Variants in EFR3B observed in about 807,000 individuals in gnomAD.
EFR3B encodes protein EFR3 homolog B.
A neutral mutation model predicts 104.7 loss-of-function variants in EFR3B; 64 were observed. The ratio of observed to expected loss-of-function variants is 0.61; its 90% confidence interval spans 0.50 to 0.75. The LOEUF (loss-of-function observed/expected upper bound fraction) is 0.75, where lower values mean the gene tolerates loss of function less well. EFR3B is among the 30% of genes least tolerant of loss of function. The probability of loss-of-function intolerance (pLI) is 0.00; values close to 1 mark genes in which losing one functional copy is unlikely to be tolerated. For synonymous variants in EFR3B, 385 were observed against 417.9 expected (o/e 0.92, Z 0.96); for missense variants, 750 against 1,078.5 (o/e 0.70, Z 4.27).
At chr2:25,110,679 T>A (rs1669700551) in intron 4 of EFR3B, among the ~76,000 whole-genome samples, 1 of 152,100 alleles carries the variant, frequency 6.6e-6, no homozygotes, top group African/African-American at 2.4e-5. Context: ...TAAATTAAAT[T>A]AATAAACAAG....
intron 19 of EFR3B, among the ~76,000 whole-genome samples, chr2:25,148,404 G>A (rs1314546216): frequency 3.3e-5 from 5 of 151,668 alleles, no homozygotes; most frequent in South Asian, 2.1e-4. Flanking sequence ...ACCGGCACGC[G>A]CCACCATGCC....
intron 17 of EFR3B, 113 bp from the exon 18 acceptor site, chr2:25,143,622 C>G (rs1216975806): frequency 7.5e-7 from 1 of 1,339,450 alleles, no homozygotes; most frequent in African/African-American, 1.5e-5. Context: ...ATCGCACCAC[C>G]ACACTCCAGC....
chr2:25,137,299 C>T lies in EFR3B; in HGVS notation c.1561-42C>T. 1 of 1,549,438 alleles carries T rather than the reference C, an allele frequency of 6.5e-7. No individual in the cohort carries two copies. The highest frequency in any genetic ancestry group is 8.7e-7 in the Non-Finnish European group (1 of 1,145,482). On this transcript the variant is annotated intron_variant, in intron 14 of 22. Transcript: ENST00000403714. The surrounding 1 kb of genome is among the most constrained non-coding windows in gnomAD (Gnocchi z 4.7). ...CGTGTTCTCCTTGCCCCTCCTGTCCCCATCCCTCCGACCCTGGCCTTCTGC... is the reference window on the plus strand; with the variant it reads ...CGTGTTCTCCTTGCCCCTCCTGTCCTCATCCCTCCGACCCTGGCCTTCTGC...
Position 25,154,457 on chromosome 2 carries a change from C to T in EFR3B, c.*117C>T, listed in dbSNP as rs543596457. The T allele has an allele frequency of 1.4e-5, 13 of 956,062 alleles. No homozygotes were observed. The highest frequency in any genetic ancestry group is 1.3e-4 in the South Asian group (8 of 61,450). The allele number at this position is 956,062 out of a possible 1,614,324, so 59.2% of individuals were successfully genotyped here. On this transcript the variant is annotated 3_prime_UTR_variant, in exon 23 of 23. Coordinates refer to ENST00000403714, the MANE Select transcript of EFR3B (RefSeq NM_014971.2). The surrounding 1 kb of genome is among the most constrained non-coding windows in gnomAD (Gnocchi z 4.1). ...TCTGAGAAAACATCACCTTAGATGGCAGCGCCTCCCAGGCTAAGCCAAGGT... is the reference window on the plus strand; with the variant it reads ...TCTGAGAAAACATCACCTTAGATGGTAGCGCCTCCCAGGCTAAGCCAAGGT...
At chr2:25,078,607 G>A (rs1573185786) in intron 1 of EFR3B, among the ~76,000 whole-genome samples, 1 of 152,114 alleles carries the variant, frequency 6.6e-6, no homozygotes, top group Non-Finnish European at 1.5e-5. Flanking sequence ...GCTGGGCTCA[G>A]GATACTGTAT....
chr2:25,081,303 G>T (rs557559252), intron 1 of EFR3B: 9 of 926,790 alleles, frequency 9.7e-6, no homozygotes, highest in Non-Finnish European at 1.6e-5. Flanking sequence ...TGAAACCTGC[G>T]CCTTCATCTC....
chr2:25,074,141 G>T (rs1209433779), intron 1 of EFR3B, among the ~76,000 whole-genome samples: 4 of 152,222 alleles, frequency 2.6e-5, no homozygotes, highest in African/African-American at 9.6e-5. Context: ...GACCAACCTG[G>T]TGTGGGGCTG....
At chr2:25,090,172 A>G (rs1239376284) in intron 1 of EFR3B, among the ~76,000 whole-genome samples, 1 of 152,228 alleles carries the variant, frequency 6.6e-6, no homozygotes, top group Non-Finnish European at 1.5e-5. Flanking sequence ...GTACAGATAG[A>G]ATTCATCTTT....
At chr2:25,079,950 T>A in intron 1 of EFR3B, 1 of 1,299,080 alleles carries the variant, frequency 7.7e-7, no homozygotes, top group Non-Finnish European at 1.1e-6. Flanking sequence ...CTTGGCTAAG[T>A]CCGCTGTTTC....
chr2:25,100,946 A>G (rs1344551281), intron 3 of EFR3B, among the ~76,000 whole-genome samples: 1 of 152,202 alleles, frequency 6.6e-6, no homozygotes, highest in East Asian at 1.9e-4. Context: ...GATAGGAAAC[A>G]TTTCTAGCTC....
At chr2:25,140,339 A>C (rs968769341) in intron 16 of EFR3B, among the ~76,000 whole-genome samples, 20 of 152,156 alleles carry the variant, frequency 1.3e-4, no homozygotes, top group Admixed American at 1.3e-3. Flanking sequence ...CATTAGCAAA[A>C]CAAAATAAAA....
chr2:25,143,031 A>T (rs923013233), intron 17 of EFR3B, among the ~76,000 whole-genome samples: 1 of 148,284 alleles, frequency 6.7e-6, no homozygotes, highest in Non-Finnish European at 1.5e-5. Flanking sequence ...GCGGGTCACG[A>T]GGTCAGAAGA....
chr2:25,049,129 TATAAA>T (rs1253308341), intron 1 of EFR3B, among the ~76,000 whole-genome samples: 1 of 152,246 alleles, frequency 6.6e-6, no homozygotes, highest in Non-Finnish European at 1.5e-5. Context: ...TACTAGCAGT[TATAAA>T]ATCACCTATC....
chr2:25,093,175 T>C (rs984285860), intron 3 of EFR3B, 45 bp downstream of exon 3: 2 of 1,545,228 alleles, frequency 1.3e-6, no homozygotes, highest in South Asian at 1.2e-5. Flanking sequence ...AGGAACTATA[T>C]TGTTAGGCTA....
In EFR3B at chr2:25,154,675, A is replaced by G; in HGVS notation, c.*335A>G. The G allele has an allele frequency of 3.9e-6, 1 of 256,554 alleles. No individual in the cohort carries two copies. Among genetic ancestry groups the G allele is most frequent in the Non-Finnish European group, 7.4e-6 (1 of 135,990 alleles). 15.9% of individuals were successfully genotyped at this position (256,554 alleles called of 1,614,324 possible). Reference sequence around the variant, plus strand: ...AGCTCCTACTTGGTGTTTTGAGTGAAGGGCATGTCCTCCCCAGAGGACGGA... The same window carrying G: ...AGCTCCTACTTGGTGTTTTGAGTGAGGGGCATGTCCTCCCCAGAGGACGGA... On this transcript the variant is annotated 3_prime_UTR_variant, in exon 23 of 23. Transcript: ENST00000403714. The surrounding 1 kb of genome is among the most constrained non-coding windows in gnomAD (Gnocchi z 4.1).
At position 25,131,272 on chromosome 2, in the gene EFR3B, T is replaced by G. The variant is rs1402316226; in HGVS notation, c.850-96T>G. 4.8e-6 allele frequency: 7 copies of G among 1,465,040 alleles called. No homozygotes were observed. The highest frequency in any genetic ancestry group is 6.4e-6 in the Non-Finnish European group (7 of 1,096,056). 90.8% of individuals were successfully genotyped at this position (1,465,040 alleles called of 1,614,324 possible). A position where few individuals can be genotyped will look rare whatever the true frequency, so the allele number is the denominator to read the frequency against. On this transcript the variant is annotated intron_variant, in intron 8 of 22. Coordinates refer to ENST00000403714, the MANE Select transcript of EFR3B (RefSeq NM_014971.2). This position sits in a 1 kb window ranked among gnomAD's most constrained non-coding sequence, Gnocchi z 7.6. ...GTGCCCGGGGCCTTGGAACGTCCCT[T>G]TAGTTTACCCCCGCCTTTGGGTGCC...
At chr2:25,053,958 C>A (rs1667952321) in intron 1 of EFR3B, among the ~76,000 whole-genome samples, 1 of 152,194 alleles carries the variant, frequency 6.6e-6, no homozygotes, top group Non-Finnish European at 1.5e-5. Context: ...TTCCCTACAT[C>A]TTCAGGTCTA....
intron 17 of EFR3B, 21 bp from the exon 18 acceptor site, chr2:25,143,714 T>A: frequency 1.9e-6 from 3 of 1,551,172 alleles, no homozygotes; most frequent in Non-Finnish European, 1.7e-6. Context: ...TAACGAACTT[T>A]CTCCCTCCTT....
chr2:25,124,139 C>A (rs1031969082), intron 5 of EFR3B, among the ~76,000 whole-genome samples: 1 of 152,166 alleles, frequency 6.6e-6, no homozygotes, highest in Non-Finnish European at 1.5e-5. Context: ...TTAGACTCAG[C>A]TGACCCGGTG....
Sources: gnomAD v4.1 joint callset for allele counts (sites outside exome capture counted in the v4.1 genomes callset) on GRCh38, gnomAD v4.1.1 for gene constraint, Gnocchi (gnomAD v3.1) non-coding constraint, MANE v1.5 for transcripts, NCBI Gene and HGNC (gene_info 2026-07-23, HGNC 2026-07-21) for gene names.